Variants in NPEPPS observed in about 807,000 individuals in gnomAD.
NPEPPS encodes the protein puromycin-sensitive aminopeptidase.
Under a neutral mutation model 115.5 loss-of-function variants are expected in NPEPPS, and 14 were observed. The ratio of observed to expected loss-of-function variants is 0.12; its 90% CI spans 0.08 to 0.19. NPEPPS has a LOEUF of 0.19. Among genes scored for constraint, NPEPPS ranks in the 10% least tolerant of loss-of-function variants. NPEPPS has a pLI of 1.00. For synonymous variants in NPEPPS, 285 were observed against 390.6 expected (o/e 0.73, Z 3.19); for missense variants, 523 against 1,110.8 (o/e 0.47, Z 7.52).
rs201818031 is a variant in NPEPPS, at chr17:47,548,681, ATTC to A, written c.340+2693_340+2695del. ...AACCTCCGCCTCTGGGGTTCAAGCA[ATTC>A]TTCTGCCTCAGCCTCCTGAGTAGCT... On this transcript the variant is annotated intron_variant, in intron 2 of 22. Coordinates refer to ENST00000322157, the MANE Select transcript of NPEPPS (RefSeq NM_006310.4). 5.0e-3 allele frequency among the ~76,000 whole-genome samples: 737 copies of A among 148,138 alleles called. 22 individuals carry two copies. The highest frequency in any genetic ancestry group is 0.045 in the Admixed American group (648 of 14,308).
At chr17:47,592,445 G>A (rs780100922) in intron 11 of NPEPPS, 40 bp from the exon 12 acceptor site, 44 of 1,541,532 alleles carry the variant, frequency 2.9e-5, no homozygotes, top group Non-Finnish European at 3.5e-5. Context: ...TAAATTCTGA[G>A]ATCTGACTTC....
At chr17:47,548,068 T>C (rs919250662) in intron 2 of NPEPPS, 6 of 152,106 alleles carry the variant, frequency 3.9e-5, no homozygotes, top group Non-Finnish European at 7.3e-5. Context: ...TTTACACATT[T>C]GATCTTTTAA....
intron 2 of NPEPPS, among the ~76,000 whole-genome samples, chr17:47,558,722 G>A (rs112062176): frequency 1.3e-5 from 2 of 152,152 alleles, no homozygotes; most frequent in Non-Finnish European, 2.9e-5. Context: ...CACCATGCCC[G>A]GCCTCTTTTT....
chr17:47,610,726 T>G (rs1344216504), intron 17 of NPEPPS, among the ~76,000 whole-genome samples: 1 of 152,010 alleles, frequency 6.6e-6, no homozygotes. Flanking sequence ...TCATGAGGGC[T>G]CCAGTTTTCG....
In NPEPPS at chr17:47,588,952, TGTCACTTA is replaced by T. The variant is rs559002819; in HGVS notation, c.1095+1609_1095+1616del. On this transcript the variant is annotated intron_variant, in intron 9 of 22. Coordinates refer to ENST00000322157, the MANE Select transcript of NPEPPS (RefSeq NM_006310.4). ...TTTTTTTTAAGACAGAGTCTCACTC[TGTCACTTA>T]AACTGGAGTGCAATGGCACAATCAT... Among the ~76,000 whole-genome samples, 54 of 152,336 alleles carry T rather than the reference TGTCACTTA, an allele frequency of 3.5e-4. No individual in the cohort carries two copies. The South Asian group carries it at 0.011, about 31-fold the overall frequency.
intron 1 of NPEPPS, among the ~76,000 whole-genome samples, chr17:47,535,515 A>G: frequency 6.8e-6 from 1 of 146,364 alleles, no homozygotes; most frequent in Non-Finnish European, 1.5e-5. Context: ...CGCGCCACGC[A>G]CTCCAGCCTG....
chr17:47,568,157 C>CT (rs758924751), intron 2 of NPEPPS, among the ~76,000 whole-genome samples: 4,872 of 142,888 alleles, frequency 0.034, 107 homozygotes, highest in Non-Finnish European at 0.051. Context: ...CTACCTTATA[C>CT]TTTTTTTTTT....
In NPEPPS at chr17:47,531,621, G is replaced by T. The variant is rs1009619749; in HGVS notation, c.255+66G>T. ...GCAGTTAGGCCGCGCCCGCGGGCTG[G>T]ACTCAGGGCCCGGCCGGGAGGGCGG... On this transcript the variant is annotated intron_variant, in intron 1 of 22. Coordinates refer to ENST00000322157, the MANE Select transcript of NPEPPS (RefSeq NM_006310.4). The T allele has an allele frequency of 2.4e-5, 36 of 1,491,676 alleles. No individual in the cohort carries two copies. The African/African-American group carries it at 4.9e-4, about 20-fold the overall frequency. The allele number at this position is 1,491,676 out of a possible 1,614,324, so 92.4% of individuals were successfully genotyped here.
At chr17:47,538,874 GTTC>G (rs1222178470) in intron 1 of NPEPPS, among the ~76,000 whole-genome samples, 1 of 152,086 alleles carries the variant, frequency 6.6e-6, no homozygotes, top group Non-Finnish European at 1.5e-5. Flanking sequence ...TTACTCTCAT[GTTC>G]TTCTTGCTGC....
chr17:47,573,412 A>G (rs1911317678), intron 3 of NPEPPS, among the ~76,000 whole-genome samples: 1 of 152,250 alleles, frequency 6.6e-6, no homozygotes. Context: ...CTAAGATTGC[A>G]TGCTTAACCC....
At chr17:47,613,992 T>C (rs1174047265) in intron 19 of NPEPPS, among the ~76,000 whole-genome samples, 1 of 151,982 alleles carries the variant, frequency 6.6e-6, no homozygotes, top group Non-Finnish European at 1.5e-5. Context: ...TTTTTTTTTT[T>C]TGAGACAAGG....
chr17:47,531,823 C>T (rs1434732143), intron 1 of NPEPPS, among the ~76,000 whole-genome samples: 1 of 152,094 alleles, frequency 6.6e-6, no homozygotes, highest in African/African-American at 2.4e-5. Flanking sequence ...GCCGGCGGCC[C>T]GGCCATTGCG....
intron 13 of NPEPPS, 43 bp downstream of exon 13, chr17:47,596,505 A>G (rs948220509): frequency 5.9e-6 from 8 of 1,345,680 alleles, no homozygotes; most frequent in Middle Eastern, 1.8e-4. Context: ...ATTGTATTAA[A>G]TGAAGTTCAG....
chr17:47,561,700 A>G (rs1388916662), intron 2 of NPEPPS, among the ~76,000 whole-genome samples: 1 of 152,198 alleles, frequency 6.6e-6, no homozygotes, highest in East Asian at 1.9e-4. Flanking sequence ...AACTAAAAAT[A>G]TACTCTAATC....
At chr17:47,601,923 A>C in intron 15 of NPEPPS, 176 bp downstream of exon 15, 1 of 628,108 alleles carries the variant, frequency 1.6e-6, no homozygotes, top group South Asian at 2.1e-5. Context: ...TATGTTAGGG[A>C]AGGTAGTGGT....
At chr17:47,609,051 A>C (rs1409529172) in intron 17 of NPEPPS, among the ~76,000 whole-genome samples, 1 of 136,618 alleles carries the variant, frequency 7.3e-6, no homozygotes, top group African/African-American at 3.1e-5. Flanking sequence ...GGTAGATGAG[A>C]GAGACGTGGG....
At chr17:47,617,646 T>TA (rs1914295406) in intron 19 of NPEPPS, among the ~76,000 whole-genome samples, 1 of 152,206 alleles carries the variant, frequency 6.6e-6, no homozygotes, top group South Asian at 2.1e-4. Flanking sequence ...TTCACTATTA[T>TA]AAATTAATTT....
At chr17:47,550,946 G>C (rs1909606034) in intron 2 of NPEPPS, among the ~76,000 whole-genome samples, 1 of 152,012 alleles carries the variant, frequency 6.6e-6, no homozygotes, top group African/African-American at 2.4e-5. Flanking sequence ...CCAGATATAA[G>C]CAAATTTGCT....
At chr17:47,608,345 C>T (rs965607436) in intron 17 of NPEPPS, among the ~76,000 whole-genome samples, 6 of 151,870 alleles carry the variant, frequency 4.0e-5, no homozygotes, top group African/African-American at 1.5e-4. Context: ...GTCCCAGCTA[C>T]TCAGGAGGCT....
Sources: gnomAD v4.1 joint callset for allele counts (sites outside exome capture counted in the v4.1 genomes callset) on GRCh38, gnomAD v4.1.1 for gene constraint, MANE v1.5 for transcripts, NCBI Gene and HGNC (gene_info 2026-07-23, HGNC 2026-07-21) for gene names.